Variants in CUBN observed in about 807,000 individuals in gnomAD.
CUBN encodes the protein 460 kDa receptor.
In CUBN, 282 loss-of-function variants were observed where a neutral mutation model predicts 405.3. That is an observed-to-expected ratio of 0.70 (90% CI 0.63 to 0.77). CUBN has a LOEUF of 0.77. Among genes scored for constraint, CUBN ranks in the 30% least tolerant of loss-of-function variants. The pLI is 0.00. For synonymous variants in CUBN, 1,684 were observed against 1,617.0 expected, an observed-to-expected ratio of 1.04 and a Z score of -0.99; for missense variants, 4,514 against 4,475.2, an observed-to-expected ratio of 1.01 and a Z score of -0.25.
chr10:16,838,748 G>A (rs1051199131), intron 62 of CUBN, among the ~76,000 whole-genome samples: 1 of 152,162 alleles, frequency 6.6e-6, no homozygotes, highest in Non-Finnish European at 1.5e-5. Flanking sequence ...AGGTTCAAGC[G>A]ATTCTCCTAC....
At chr10:16,907,427 C>T (rs906727923) in intron 49 of CUBN, 81 bp downstream of exon 49, 2 of 1,395,426 alleles carry the variant, frequency 1.4e-6, no homozygotes, top group Non-Finnish European at 2.0e-6. Context: ...AAATGGATGG[C>T]TCTGCTGCCA....
At chr10:17,024,851 C>A (rs1290286270) in intron 27 of CUBN, among the ~76,000 whole-genome samples, 1 of 152,060 alleles carries the variant, frequency 6.6e-6, no homozygotes. Context: ...AAAACTCAGC[C>A]CTTTCTGTTT....
At chr10:16,873,590 C>T (rs1270663164) in intron 58 of CUBN, among the ~76,000 whole-genome samples, 3 of 151,706 alleles carry the variant, frequency 2.0e-5, no homozygotes, top group South Asian at 2.1e-4. Flanking sequence ...GGCATGGTGG[C>T]GCCTGCCTGT....
In CUBN at chr10:16,907,631, T is replaced by G. The variant is rs1047710609; in HGVS notation, c.7582A>C (p.Ser2528Arg). The change falls in exon 49 of 67, where the codon AGT becomes CGT. Residue 2528 changes from serine to arginine, a missense_variant. Around this residue, in one of 5 missense-constraint regions of CUBN, gnomAD observed 1,613 missense variants for 1,542.8 expected, o/e 1.05. Transcript: ENST00000377833. Reference protein sequence around the residue: ...SNSPQLEKLCSSVNVSNEIKS... With the variant: ...SNSPQLEKLCRSVNVSNEIKS... ...ATCTCATTGCTTACATTCACACTAC[T>G]ACACAGTTTCTCTAGCTGGGGTGAG... The G allele has an allele frequency of 3.1e-6, 5 of 1,612,694 alleles. No homozygotes were observed. The African/African-American group carries it at 6.7e-5, about 22-fold the overall frequency.
rs369448740 is a variant in CUBN at position 16,873,493 on chromosome 10, G to A, written c.9236+881C>T. ...TCCCAGCACCATGGGAGGCCGAGGC[G>A]GGAGGATCACTTGAGGTCAGGAGTT... On this transcript the variant is annotated intron_variant, in intron 58 of 66. Transcript: ENST00000377833. Among the ~76,000 whole-genome samples, 438 of 152,166 alleles carry A rather than the reference G, an allele frequency of 2.9e-3. 1 individual carries two copies. The highest frequency in any genetic ancestry group is 9.9e-3 in the African/African-American group (413 of 41,510).
rs763168436 is a variant in CUBN at position 16,825,049 on chromosome 10, T to A, written c.10798A>T (p.Asn3600Tyr). The change falls in exon 67 of 67, where the codon AAT (asparagine) becomes TAT (tyrosine). Residue 3600 changes from asparagine to tyrosine, a missense_variant. Physicochemically the swap from Asn to Tyr is moderately radical, Grantham distance 143 (BLOSUM62 -2). Coordinates refer to ENST00000377833, the MANE Select transcript of CUBN (RefSeq NM_001081.4). ...GCATGAAATTTTATGAAGACCTGAT[T>A]TGAGGAAGCCACGAAGGGAGCTATG... The part of the protein sequence containing the change: ...TSIAPFVASS[N>Y]QVFIKFHADY... The A allele has an allele frequency of 1.2e-6, 2 of 1,613,782 alleles. No individual in the cohort carries two copies. The highest frequency in any genetic ancestry group is 2.7e-5 in the African/African-American group (2 of 74,878).
chr10:16,831,400 G>A lies in CUBN; in HGVS notation c.10380C>T (p.Asn3460=), dbSNP rs771747676. 6.8e-6 allele frequency: 11 copies of A among 1,613,812 alleles called. No individual in the cohort carries two copies. The African/African-American group carries it at 8.0e-5, about 12-fold the overall frequency. Residue 3460 remains asparagine (N), a synonymous_variant, in exon 65 of 67, where the codon AAC becomes AAT. Coordinates refer to ENST00000377833, the MANE Select transcript of CUBN (RefSeq NM_001081.4). ...NDFLEVRNGS[N]SNSPLLGKYC... is the part of the protein sequence containing the mutation. Reference sequence around the variant, plus strand: ...ACTTGCCCAGTAATGGTGAATTGCTGTTACTTCCATTTCTCACCTTTAGGA... The same window carrying A: ...ACTTGCCCAGTAATGGTGAATTGCTATTACTTCCATTTCTCACCTTTAGGA...
In CUBN at chr10:16,879,080, T is replaced by C. The variant is rs185978893; in HGVS notation, c.8906-1983A>G. On this transcript the variant is annotated intron_variant, in intron 56 of 66. Coordinates refer to ENST00000377833, the MANE Select transcript of CUBN (RefSeq NM_001081.4). ...CTTTCAGTTCCTTTGGGTATATAAA[T>C]GGGAGTGAAATTATTAGCCCCCAAA... Among the ~76,000 whole-genome samples, 99 of 152,328 alleles carry C rather than the reference T, an allele frequency of 6.5e-4. 1 individual carries two copies. Among genetic ancestry groups the C allele is most frequent in the Admixed American group, 6.5e-3 (99 of 15,296 alleles).
intron 26 of CUBN, among the ~76,000 whole-genome samples, chr10:17,042,809 T>G (rs951624921): frequency 6.6e-6 from 1 of 152,298 alleles, no homozygotes; most frequent in Non-Finnish European, 1.5e-5. Flanking sequence ...ATGTTATTAC[T>G]CTTTCAGTTA....
At chr10:16,982,912 C>A (rs113072102) in intron 30 of CUBN, among the ~76,000 whole-genome samples, 2 of 151,970 alleles carry the variant, frequency 1.3e-5, no homozygotes. Context: ...TAAAAGGAAA[C>A]GCAAATGAAA....
At chr10:17,125,679 G>C (rs552731124) in intron 4 of CUBN, among the ~76,000 whole-genome samples, 23 of 152,276 alleles carry the variant, frequency 1.5e-4, no homozygotes, top group African/African-American at 5.5e-4. Context: ...GGTGGCCAGA[G>C]AGCATTTGCC....
chr10:17,000,955 T>C (rs991890308), intron 28 of CUBN, among the ~76,000 whole-genome samples: 1 of 152,122 alleles, frequency 6.6e-6, no homozygotes, highest in Non-Finnish European at 1.5e-5. Flanking sequence ...GAACAGTGAG[T>C]GTTACAGTTC....
At chr10:16,971,633 G>A (rs1382379473) in intron 31 of CUBN, among the ~76,000 whole-genome samples, 3 of 151,956 alleles carry the variant, frequency 2.0e-5, no homozygotes, top group South Asian at 2.1e-4. Flanking sequence ...AAAATCTTGT[G>A]CCAAGCCATG....
At chr10:16,865,650 C>T (rs146254188) in intron 59 of CUBN, among the ~76,000 whole-genome samples, 3,779 of 152,166 alleles carry the variant, frequency 0.025, 74 homozygotes, top group Middle Eastern at 0.065. Context: ...CTGTAAAATG[C>T]ACCAATCAGC....
intron 14 of CUBN, among the ~76,000 whole-genome samples, chr10:17,095,286 TG>T (rs1836347383): frequency 6.6e-6 from 1 of 151,892 alleles, no homozygotes; most frequent in Admixed American, 6.6e-5. Flanking sequence ...GGCCTAAAAC[TG>T]AAGAACCAAT....
intron 26 of CUBN, 118 bp downstream of exon 26, chr10:17,043,709 C>T: frequency 7.0e-7 from 1 of 1,420,066 alleles, no homozygotes. Flanking sequence ...TGAAGGCCCA[C>T]TCTAGGCACT....
In CUBN at chr10:17,114,016, T is replaced by C; in HGVS notation, c.883+11A>G. The C allele has an allele frequency of 6.2e-7, 1 of 1,610,046 alleles. No individual in the cohort carries two copies. Among genetic ancestry groups the C allele is most frequent in the East Asian group, 2.2e-5 (1 of 44,750 alleles). ...GCATGCAGAGCCTGGCTTGTGGCCC[T>C]GAGAATGTACCTGTTGGACAGGCCC... On this transcript the variant is annotated intron_variant, in intron 8 of 66. Coordinates refer to ENST00000377833, the MANE Select transcript of CUBN (RefSeq NM_001081.4).
Position 16,990,380 on chromosome 10 carries a change from T to C in CUBN, c.4304A>G (p.Asp1435Gly). The change falls in exon 29 of 67, where the codon GAC becomes GGC. Residue 1435 changes from aspartate (D) to glycine (G), a missense_variant. Asp to Gly is a moderately conservative substitution (Grantham distance 94, BLOSUM62 -1). Transcript: ENST00000377833. The part of the protein sequence containing the change: ...PGSSIQLTIH[D>G]FDVEYHSRCN... ...CCTTGAATGATACTCCACATCGAAGTCATGGATGGTGAGCTGAATGCTACT... is the reference window on the plus strand; with the variant it reads ...CCTTGAATGATACTCCACATCGAAGCCATGGATGGTGAGCTGAATGCTACT... 6.2e-7 allele frequency: 1 copy of C among 1,614,170 alleles called. No individual in the cohort carries two copies. Among genetic ancestry groups the C allele is most frequent in the Non-Finnish European group, 8.5e-7 (1 of 1,180,016 alleles).
At chr10:16,906,763 A>C (rs111755227) in intron 49 of CUBN, among the ~76,000 whole-genome samples, 9 of 152,306 alleles carry the variant, frequency 5.9e-5, no homozygotes, top group African/African-American at 2.2e-4. Flanking sequence ...CTTGATTAGC[A>C]ATTCTCCACT....
Sources: gnomAD v4.1 joint callset for allele counts (sites outside exome capture counted in the v4.1 genomes callset) on GRCh38, gnomAD v4.1.1 for gene constraint, gnomAD v4.1.1 regional missense constraint, MANE v1.5 for transcripts, NCBI Gene and HGNC (gene_info 2026-07-23, HGNC 2026-07-21) for gene names.